Variants in CDH12 observed in about 807,000 individuals in gnomAD.
The protein encoded by CDH12 is cadherin 12, also known as cadherin-12.
In CDH12, 41 loss-of-function variants were observed where a neutral mutation model predicts 74.1. The ratio of observed to expected loss-of-function variants is 0.55; its 90% confidence interval spans 0.43 to 0.72. The LOEUF is 0.72. Among genes scored for constraint, CDH12 ranks in the 30% least tolerant of loss-of-function variants. The pLI, the probability that CDH12 is intolerant of heterozygous loss-of-function variation, is 0.00. For synonymous variants in CDH12, 399 were observed against 355.0 expected, an observed-to-expected ratio of 1.12 and a Z score of -1.39; for missense variants, 945 against 977.2, an observed-to-expected ratio of 0.97 and a Z score of 0.44.
At chr5:22,670,876 G>A (rs1027198315) in intron 1 of CDH12, among the ~76,000 whole-genome samples, 12 of 151,798 alleles carry the variant, frequency 7.9e-5, no homozygotes, top group Middle Eastern at 3.4e-3. Flanking sequence ...ATTTTGCATC[G>A]TAGCAGGTTT....
intron 1 of CDH12, among the ~76,000 whole-genome samples, chr5:22,709,425 C>A (rs1057196579): frequency 5.9e-5 from 9 of 152,064 alleles, no homozygotes; most frequent in African/African-American, 2.2e-4. Context: ...GAAGATTTAA[C>A]AACTCATCTG....
intron 3 of CDH12, among the ~76,000 whole-genome samples, chr5:22,351,658 T>C (rs1022681714): frequency 1.8e-4 from 27 of 152,348 alleles, no homozygotes; most frequent in South Asian, 1.0e-3. Flanking sequence ...AAATCATAGT[T>C]GCAGAATTTA....
At chr5:22,175,729 G>T (rs571396200) in intron 4 of CDH12, among the ~76,000 whole-genome samples, 1 of 152,224 alleles carries the variant, frequency 6.6e-6, no homozygotes, top group Non-Finnish European at 1.5e-5. Context: ...ATGGCAGAAT[G>T]AAGTCTAATC....
At chr5:22,062,922 T>G (rs1741292028) in intron 5 of CDH12, among the ~76,000 whole-genome samples, 1 of 152,074 alleles carries the variant, frequency 6.6e-6, no homozygotes, top group African/African-American at 2.4e-5. Context: ...CAAAGTAAAC[T>G]GCATGATGAA....
chr5:22,253,781 T>C (rs2150389082), intron 3 of CDH12, among the ~76,000 whole-genome samples: 1 of 152,026 alleles, frequency 6.6e-6, no homozygotes, highest in East Asian at 1.9e-4. Context: ...CCTCCTCTTT[T>C]TCTTCCTCTT....
intron 3 of CDH12, among the ~76,000 whole-genome samples, chr5:22,230,980 C>G (rs551836817): frequency 6.6e-6 from 1 of 152,262 alleles, no homozygotes; most frequent in East Asian, 1.9e-4. Context: ...GTTTTCAAAT[C>G]ACAATGCCAT....
At chr5:22,355,521 A>ATATATAT (rs70959719) in intron 3 of CDH12, among the ~76,000 whole-genome samples, 1 of 74,128 alleles carries the variant, frequency 1.3e-5, no homozygotes, top group Non-Finnish European at 3.0e-5. Context: ...CCTTAAAAAA[A>ATATATAT]AAATATATAT....
At chr5:21,926,940 C>CA (rs1700433321) in intron 6 of CDH12, among the ~76,000 whole-genome samples, 1 of 152,184 alleles carries the variant, frequency 6.6e-6, no homozygotes, top group African/African-American at 2.4e-5. Context: ...GAGGAAACAG[C>CA]ATATGAGAAA....
At chr5:22,658,386 A>G (rs1178484922) in intron 1 of CDH12, among the ~76,000 whole-genome samples, 2 of 152,140 alleles carry the variant, frequency 1.3e-5, no homozygotes, top group Non-Finnish European at 2.9e-5. Flanking sequence ...ACATAATTTT[A>G]GTTTATAATT....
chr5:22,677,595 C>T (rs75498283), intron 1 of CDH12, among the ~76,000 whole-genome samples: 2,422 of 151,940 alleles, frequency 0.016, 59 homozygotes, highest in African/African-American at 0.055. Context: ...GAATTTTTGA[C>T]GAGACACAAA....
intron 3 of CDH12, among the ~76,000 whole-genome samples, chr5:22,335,284 G>A (rs1441977635): frequency 6.6e-6 from 1 of 152,124 alleles, no homozygotes; most frequent in African/African-American, 2.4e-5. Flanking sequence ...TGAATCATGG[G>A]GGCAGGTCTT....
At chr5:22,799,229 T>C (rs1748384046) in intron 1 of CDH12, among the ~76,000 whole-genome samples, 1 of 152,150 alleles carries the variant, frequency 6.6e-6, no homozygotes, top group Non-Finnish European at 1.5e-5. Flanking sequence ...AGAAAATAAA[T>C]TTCTAAGGAG....
intron 3 of CDH12, among the ~76,000 whole-genome samples, chr5:22,295,841 T>C: frequency 6.6e-6 from 1 of 152,102 alleles, no homozygotes; most frequent in Non-Finnish European, 1.5e-5. Flanking sequence ...GTATAGAGAA[T>C]GAATACTAGC....
At chr5:21,876,827 C>T (rs528080672) in intron 6 of CDH12, among the ~76,000 whole-genome samples, 3 of 152,332 alleles carry the variant, frequency 2.0e-5, no homozygotes, top group African/African-American at 4.8e-5. Context: ...TATGTTGCCT[C>T]AATATAATAG....
At chr5:22,662,612 T>C (rs757215676) in intron 1 of CDH12, among the ~76,000 whole-genome samples, 2 of 152,238 alleles carry the variant, frequency 1.3e-5, no homozygotes, top group African/African-American at 4.8e-5. Flanking sequence ...ACTTCATTTG[T>C]ATGGCAACGG....
chr5:22,731,051 A>C, intron 1 of CDH12, among the ~76,000 whole-genome samples: 1 of 151,826 alleles, frequency 6.6e-6, no homozygotes, highest in Non-Finnish European at 1.5e-5. Context: ...CTTCATTTTC[A>C]TCAAAAGCAT....
At chr5:22,824,569 A>G (rs1316726644) in intron 1 of CDH12, among the ~76,000 whole-genome samples, 1 of 152,110 alleles carries the variant, frequency 6.6e-6, no homozygotes. Flanking sequence ...GTCTTTAGAC[A>G]TTCATAAATG....
At chr5:21,859,869 T>C (rs1474277569) in intron 6 of CDH12, among the ~76,000 whole-genome samples, 1 of 151,954 alleles carries the variant, frequency 6.6e-6, no homozygotes, top group Non-Finnish European at 1.5e-5. Flanking sequence ...GAAGAGTATG[T>C]GTGGAATACA....
intron 6 of CDH12, among the ~76,000 whole-genome samples, chr5:21,888,368 G>C (rs1412504167): frequency 1.3e-5 from 2 of 152,108 alleles, no homozygotes; most frequent in Admixed American, 1.3e-4. Flanking sequence ...CTCATAGAGA[G>C]ACTACATCAC....
Sources: gnomAD v4.1 joint callset for allele counts (sites outside exome capture counted in the v4.1 genomes callset) on GRCh38, gnomAD v4.1.1 for gene constraint, MANE v1.5 for transcripts, NCBI Gene and HGNC (gene_info 2026-07-23, HGNC 2026-07-21) for gene names.